Variants in PCDHGB1 observed in about 807,000 individuals in gnomAD.
The protein encoded by PCDHGB1 is protocadherin gamma subfamily B, 1, also known as protocadherin gamma-B1.
In PCDHGB1, 34 loss-of-function variants were observed where a neutral mutation model predicts 56.6. That is an observed-to-expected ratio of 0.60 (90% confidence interval 0.46 to 0.80). PCDHGB1 has a LOEUF of 0.80. Among genes scored for constraint, PCDHGB1 ranks in the 30% least tolerant of loss-of-function variants. The pLI is 0.00. For synonymous variants in PCDHGB1, 561 were observed against 505.9 expected (o/e 1.11, Z -1.46); for missense variants, 1,278 against 1,204.6 (o/e 1.06, Z -0.90).
chr5:141,393,019 G>A (rs1415257415), intron 1 of PCDHGB1: 1 of 1,613,746 alleles, frequency 6.2e-7, no homozygotes, highest in African/African-American at 1.3e-5. Flanking sequence ...ATCGTCTCCA[G>A]AGGTAGGACG....
At chr5:141,478,454 A>G (rs766350066) in intron 1 of PCDHGB1, 4 of 1,613,596 alleles carry the variant, frequency 2.5e-6, no homozygotes, top group Non-Finnish European at 3.4e-6. Context: ...TGGTGCAGCC[A>G]GTCCACTGGC....
At chr5:141,383,551 G>T (rs772901140) in intron 1 of PCDHGB1, 11 of 1,612,380 alleles carry the variant, frequency 6.8e-6, no homozygotes, top group Non-Finnish European at 9.3e-6. Context: ...CTCTGATGGC[G>T]GCGACCCGCC....
At chr5:141,446,830 A>G (rs1289946397) in intron 1 of PCDHGB1, among the ~76,000 whole-genome samples, 1 of 152,176 alleles carries the variant, frequency 6.6e-6, no homozygotes, top group Non-Finnish European at 1.5e-5. Flanking sequence ...GTAGATCCTT[A>G]TAAGGCTGAG....
chr5:141,393,001 G>A (rs775192271), intron 1 of PCDHGB1: 1 of 1,613,908 alleles, frequency 6.2e-7, no homozygotes, highest in South Asian at 1.1e-5. Flanking sequence ...GCGAAGCACG[G>A]AGTCCGTATC....
intron 1 of PCDHGB1, chr5:141,408,275 T>C: frequency 1.2e-6 from 2 of 1,611,874 alleles, no homozygotes; most frequent in Non-Finnish European, 1.7e-6. Flanking sequence ...GCTGCCTTTG[T>C]TCTACCCCAC....
Position 141,356,649 on chromosome 5 carries a change from C to A in PCDHGB1, c.2409+3980C>A, listed in dbSNP as rs780140906. 7.4e-6 allele frequency: 12 copies of A among 1,614,014 alleles called. No individual in the cohort carries two copies. In the South Asian group the frequency reaches 1.3e-4, roughly 18 times the overall value. On this transcript the variant is annotated intron_variant, in intron 1 of 3. Transcript: ENST00000523390. Reference sequence around the variant, plus strand: ...CTGCTCAAGACCCTGACAGTGGTGACAATGCCCGAATCACTTACTCCCTGG... The same window carrying A: ...CTGCTCAAGACCCTGACAGTGGTGAAAATGCCCGAATCACTTACTCCCTGG...
chr5:141,469,476 G>A (rs2154570344), intron 1 of PCDHGB1, among the ~76,000 whole-genome samples: 1 of 152,246 alleles, frequency 6.6e-6, no homozygotes, highest in South Asian at 2.1e-4. Context: ...TCGGGAGGCT[G>A]AGGCAGGAGA....
Position 141,431,137 on chromosome 5 carries a change from T to G in PCDHGB1, c.2410-63670T>G. 3 of 1,614,212 alleles carry G rather than the reference T, an allele frequency of 1.9e-6. No individual in the cohort carries two copies. The highest frequency in any genetic ancestry group is 2.2e-5 in the South Asian group (2 of 91,084). On this transcript the variant is annotated intron_variant, in intron 1 of 3. Coordinates refer to ENST00000523390, the MANE Select transcript of PCDHGB1 (RefSeq NM_018922.3). This position sits in a 1 kb window ranked among gnomAD's most constrained non-coding sequence, Gnocchi z 4.8. Reference sequence around the variant, plus strand: ...GAGTAGAAGTAGAAGTAAGGGACATTAACGACAATGCGCCTTACTTTCGTG... The same window carrying G: ...GAGTAGAAGTAGAAGTAAGGGACATGAACGACAATGCGCCTTACTTTCGTG...
intron 1 of PCDHGB1, chr5:141,375,594 A>T: frequency 6.2e-7 from 1 of 1,613,890 alleles, no homozygotes; most frequent in Non-Finnish European, 8.5e-7. Flanking sequence ...CTGTCCTCCT[A>T]CGTGTCCATC....
chr5:141,463,382 T>C (rs2099057893), intron 1 of PCDHGB1, among the ~76,000 whole-genome samples: 1 of 151,594 alleles, frequency 6.6e-6, no homozygotes, highest in Admixed American at 6.6e-5. Context: ...AGTCTGAAAG[T>C]TGTCTCCAGG....
intron 1 of PCDHGB1, chr5:141,377,007 T>G (rs985572001): frequency 6.4e-6 from 1 of 155,470 alleles, no homozygotes; most frequent in Non-Finnish European, 1.4e-5. Context: ...TTTTTATTGG[T>G]TGACAGGAAA....
At chr5:141,403,758 T>C (rs1022850868) in intron 1 of PCDHGB1, 18 of 1,613,804 alleles carry the variant, frequency 1.1e-5, no homozygotes, top group Non-Finnish European at 1.4e-5. Flanking sequence ...GCCAGCGACC[T>C]GGATGAGGGA....
intron 1 of PCDHGB1, among the ~76,000 whole-genome samples, chr5:141,354,350 A>G (rs1056084441): frequency 2.0e-5 from 3 of 152,246 alleles, no homozygotes; most frequent in African/African-American, 7.2e-5. Context: ...AAGATTGAGA[A>G]CACATTGTGA....
intron 1 of PCDHGB1, chr5:141,423,860 G>A: frequency 7.8e-7 from 1 of 1,283,074 alleles, no homozygotes; most frequent in Non-Finnish European, 9.9e-7. Context: ...ACGTTTTTGT[G>A]AAAGTCATTT....
intron 1 of PCDHGB1, among the ~76,000 whole-genome samples, chr5:141,368,131 T>G (rs1463973609): frequency 6.6e-6 from 1 of 152,198 alleles, no homozygotes; most frequent in Non-Finnish European, 1.5e-5. Flanking sequence ...TTCTTAATCC[T>G]TCAAATTTTG....
rs1158395811 is a variant in PCDHGB1, at chr5:141,476,020, T to TCGGCGCC, written c.2410-18785_2410-18779dup. The stretch of plus-strand genomic sequence containing the variant: ...CGGCATCCAGAAAGCCATGTCGGAC[T>TCGGCGCC]CGGCGCCCAGCGCCCAAGCGCTAAC... On this transcript the variant is annotated intron_variant, in intron 1 of 3. Transcript: ENST00000523390. The surrounding 1 kb of genome is among the most constrained non-coding windows in gnomAD (Gnocchi z 7.6). 2.1e-6 allele frequency: 3 copies of TCGGCGCC among 1,398,716 alleles called. No homozygotes were observed. The African/African-American group carries it at 4.3e-5, about 20-fold the overall frequency. The allele number at this position is 1,398,716 out of a possible 1,614,324, so 86.6% of individuals were successfully genotyped here. A position where few individuals can be genotyped will look rare whatever the true frequency, so the allele number is the denominator to read the frequency against.
At chr5:141,383,304 G>A (rs1779007855) in intron 1 of PCDHGB1, 1 of 1,613,918 alleles carries the variant, frequency 6.2e-7, no homozygotes, top group Non-Finnish European at 8.5e-7. Context: ...GATTCTTGAC[G>A]GAAGAAATAA....
Position 141,477,809 on chromosome 5 carries a change from C to A in PCDHGB1, c.2410-16998C>A. 1 of 1,614,146 alleles carries A rather than the reference C, an allele frequency of 6.2e-7. No individual in the cohort carries two copies. Among genetic ancestry groups the A allele is most frequent in the Non-Finnish European group, 8.5e-7 (1 of 1,180,040 alleles). On this transcript the variant is annotated intron_variant, in intron 1 of 3. Coordinates refer to ENST00000523390, the MANE Select transcript of PCDHGB1 (RefSeq NM_018922.3). The surrounding 1 kb of genome is among the most constrained non-coding windows in gnomAD (Gnocchi z 4.9). ...TGTCACTGATCGCAATGACAATGCC[C>A]CCCAGGTCCTATATCCTCGGCCAGG...
intron 1 of PCDHGB1, chr5:141,389,814 G>A (rs753211260): frequency 1.2e-6 from 2 of 1,613,866 alleles, no homozygotes; most frequent in East Asian, 2.2e-5. Context: ...TCTGGTCGCC[G>A]TGCGTGACGG....
Sources: gnomAD v4.1 joint callset for allele counts (sites outside exome capture counted in the v4.1 genomes callset) on GRCh38, gnomAD v4.1.1 for gene constraint, Gnocchi (gnomAD v3.1) non-coding constraint, MANE v1.5 for transcripts, NCBI Gene and HGNC (gene_info 2026-07-23, HGNC 2026-07-21) for gene names.